The following PLGRKT variants were observed in gnomAD, a reference collection of about 807,000 sequenced individuals.
The protein encoded by PLGRKT is plasminogen receptor with a C-terminal lysine, also known as plasminogen receptor (KT).
PLGRKT carries 22 observed loss-of-function variants against 18.5 expected under a neutral mutation model. That is an observed-to-expected ratio of 1.19 (90% confidence interval 0.85 to 1.70). The LOEUF (loss-of-function observed/expected upper bound fraction) is 1.70. PLGRKT is among the 40% of genes most tolerant of loss of function. The pLI is 0.00. For missense variants in PLGRKT, 235 were observed against 174.4 expected, an observed-to-expected ratio of 1.35 and a Z score of -1.96; for synonymous variants, 72 against 52.8, an observed-to-expected ratio of 1.36 and a Z score of -1.58.
chr9:5,358,249 A>G lies in PLGRKT; in HGVS notation c.434T>C (p.Ile145Thr). The G allele has an allele frequency of 6.2e-7, 1 of 1,609,176 alleles. No homozygotes were observed. ...KARKEQSRFF[I>T]DK is the part of the protein sequence containing the mutation. ...TTGGTAAGCATGATTTCATTTGTCTATGAAGAATCTACTCTGTTCCTTTCT... is the reference window on the plus strand; with the variant it reads ...TTGGTAAGCATGATTTCATTTGTCTGTGAAGAATCTACTCTGTTCCTTTCT... The change falls in exon 6 of 6, where the codon ATA becomes ACA. Residue 145 changes from isoleucine to threonine, a missense_variant. Coordinates refer to ENST00000223864, the MANE Select transcript of PLGRKT (RefSeq NM_018465.4).
intron 3 of PLGRKT, among the ~76,000 whole-genome samples, chr9:5,369,611 T>C (rs1586703427): frequency 6.6e-6 from 1 of 152,070 alleles, no homozygotes; most frequent in African/African-American, 2.4e-5. Flanking sequence ...CAAAGGATTA[T>C]AAATTACTAT....
chr9:5,411,830 A>G (rs2131145343), intron 3 of PLGRKT, among the ~76,000 whole-genome samples: 1 of 152,356 alleles, frequency 6.6e-6, no homozygotes, highest in East Asian at 1.9e-4. Context: ...ATAGACTTAA[A>G]CAAATGGAAA....
intron 3 of PLGRKT, among the ~76,000 whole-genome samples, chr9:5,417,477 G>T (rs956555818): frequency 6.6e-6 from 1 of 151,524 alleles, no homozygotes; most frequent in Non-Finnish European, 1.5e-5. Flanking sequence ...TTTGGCAATG[G>T]TTTCTCTGAT....
At chr9:5,367,018 GATACACACACAT>G (rs1318272077) in intron 3 of PLGRKT, among the ~76,000 whole-genome samples, 3 of 81,778 alleles carry the variant, frequency 3.7e-5, no homozygotes, top group African/African-American at 1.6e-4. Context: ...CAGACAGACA[GATACACACACAT>G]ACACACACAC....
rs1199247196 is a variant in PLGRKT at position 5,418,194 on chromosome 9, A to C, written c.81+13703T>G. Among the ~76,000 whole-genome samples, 1 of 152,162 alleles carries C rather than the reference A, an allele frequency of 6.6e-6. No individual in the cohort carries two copies. Among genetic ancestry groups the C allele is most frequent in the East Asian group, 1.9e-4 (1 of 5,204 alleles). On this transcript the variant is annotated intron_variant, in intron 3 of 5. Transcript: ENST00000223864. This position sits in a 1 kb window ranked among gnomAD's most constrained non-coding sequence, Gnocchi z 4.2. ...GAGCAAGTTGCCTGGTATCTTGTTG[A>C]GACCTCACCTTCTGCCCTTCATGTC...
chr9:5,379,454 G>T (rs1301691257), intron 3 of PLGRKT, among the ~76,000 whole-genome samples: 1 of 152,120 alleles, frequency 6.6e-6, no homozygotes, highest in Non-Finnish European at 1.5e-5. Flanking sequence ...GTTTCTCAGA[G>T]GCACTAGTCA....
At chr9:5,386,242 G>C (rs1471055689) in intron 3 of PLGRKT, among the ~76,000 whole-genome samples, 1 of 151,886 alleles carries the variant, frequency 6.6e-6, no homozygotes, top group Non-Finnish European at 1.5e-5. Flanking sequence ...ACCTTCTACA[G>C]TTGTTGACAC....
intron 3 of PLGRKT, among the ~76,000 whole-genome samples, chr9:5,424,933 C>G (rs971409795): frequency 6.6e-6 from 1 of 151,776 alleles, no homozygotes; most frequent in African/African-American, 2.4e-5. Flanking sequence ...TATTAAATAA[C>G]TGTATTTTTT....
intron 3 of PLGRKT, among the ~76,000 whole-genome samples, chr9:5,394,298 T>C (rs978290400): frequency 6.6e-6 from 1 of 151,812 alleles, no homozygotes; most frequent in African/African-American, 2.4e-5. Flanking sequence ...GTTTCTAACA[T>C]AGCCATAGAG....
chr9:5,434,727 T>G (rs1234887084), intron 2 of PLGRKT, among the ~76,000 whole-genome samples: 1 of 150,672 alleles, frequency 6.6e-6, no homozygotes, highest in Non-Finnish European at 1.5e-5. Flanking sequence ...GTCTGGGAAG[T>G]GAGGAGCGCC....
At position 5,418,037 on chromosome 9, in the gene PLGRKT, T is replaced by C. The variant is rs773335872; in HGVS notation, c.81+13860A>G. Among the ~76,000 whole-genome samples, 3 of 152,224 alleles carry C rather than the reference T, an allele frequency of 2.0e-5. No homozygotes were observed. Among genetic ancestry groups the C allele is most frequent in the Non-Finnish European group, 4.4e-5 (3 of 68,034 alleles). On this transcript the variant is annotated intron_variant, in intron 3 of 5. Coordinates refer to ENST00000223864, the MANE Select transcript of PLGRKT (RefSeq NM_018465.4). This position sits in a 1 kb window ranked among gnomAD's most constrained non-coding sequence, Gnocchi z 4.2. ...GAGAAGATCACATTGTACGCACTTG[T>C]GGAGTTTAACGTCTAAGTAGAATAT... is the stretch of plus-strand genomic sequence containing the variant.
intron 3 of PLGRKT, among the ~76,000 whole-genome samples, chr9:5,383,429 T>C (rs1369667508): frequency 6.6e-6 from 1 of 152,228 alleles, no homozygotes; most frequent in Admixed American, 6.5e-5. Context: ...ACCAGTTTCA[T>C]GGAAAACAAT....
chr9:5,437,568 GGA>G (rs1818984606), intron 1 of PLGRKT: 1 of 152,234 alleles, frequency 6.6e-6, no homozygotes, highest in Non-Finnish European at 1.5e-5. Context: ...TTAAAGCTAC[GGA>G]GAGATCCGGA....
At chr9:5,429,344 G>T (rs967023642) in intron 3 of PLGRKT, among the ~76,000 whole-genome samples, 33 of 152,224 alleles carry the variant, frequency 2.2e-4, no homozygotes, top group Non-Finnish European at 4.0e-4. Context: ...AGCACCACCT[G>T]CTTGGCACAG....
intron 3 of PLGRKT, among the ~76,000 whole-genome samples, chr9:5,387,173 T>A (rs148942135): frequency 6.6e-6 from 1 of 151,870 alleles, no homozygotes; most frequent in South Asian, 2.1e-4. Flanking sequence ...AAATGGACCA[T>A]ATTAGAGTAC....
At chr9:5,397,525 A>G (rs1818074605) in intron 3 of PLGRKT, among the ~76,000 whole-genome samples, 1 of 151,730 alleles carries the variant, frequency 6.6e-6, no homozygotes, top group African/African-American at 2.4e-5. Flanking sequence ...AAGAAGGAAG[A>G]AAAGAGGGCA....
At chr9:5,417,364 T>A (rs1025628597) in intron 3 of PLGRKT, among the ~76,000 whole-genome samples, 1 of 152,036 alleles carries the variant, frequency 6.6e-6, no homozygotes, top group Non-Finnish European at 1.5e-5. Context: ...CTTCATACCA[T>A]ACATAAAAAT....
Position 5,418,932 on chromosome 9 carries a change from A to T in PLGRKT, c.81+12965T>A. 2.5e-6 allele frequency: 2 copies of T among 793,856 alleles called. No homozygotes were observed. Among genetic ancestry groups the T allele is most frequent in the Non-Finnish European group, 4.2e-6 (2 of 479,630 alleles). The allele number at this position is 793,856 out of a possible 1,614,324, so 49.2% of individuals were successfully genotyped here. A position where few individuals can be genotyped will look rare whatever the true frequency, so the allele number is the denominator to read the frequency against. On this transcript the variant is annotated intron_variant, in intron 3 of 5. Coordinates refer to ENST00000223864, the MANE Select transcript of PLGRKT (RefSeq NM_018465.4). The surrounding 1 kb of genome is among the most constrained non-coding windows in gnomAD (Gnocchi z 4.2). The stretch of plus-strand genomic sequence containing the variant: ...CCTTCACTAGGGGCTGCAGTAATTA[A>T]AACAGATCTGACATTCTAGCAGAGT...
chr9:5,369,524 G>C (rs1030640462), intron 3 of PLGRKT, among the ~76,000 whole-genome samples: 4 of 152,080 alleles, frequency 2.6e-5, no homozygotes, highest in African/African-American at 9.7e-5. Context: ...CATTGTGGAA[G>C]ACAGTGTGGT....
Sources: gnomAD v4.1 joint callset for allele counts (sites outside exome capture counted in the v4.1 genomes callset) on GRCh38, gnomAD v4.1.1 for gene constraint, Gnocchi (gnomAD v3.1) non-coding constraint, MANE v1.5 for transcripts, NCBI Gene and HGNC (gene_info 2026-07-23, HGNC 2026-07-21) for gene names.